Variants in KNDC1 observed in about 807,000 individuals in gnomAD.
The protein encoded by KNDC1 is kinase non-catalytic C-lobe domain containing 1.
A neutral mutation model predicts 172.8 loss-of-function variants in KNDC1; 106 were observed. The observed-to-expected ratio is 0.61, with a 90% CI of 0.52 to 0.72. The LOEUF (loss-of-function observed/expected upper bound fraction) is 0.72. Ranked by LOEUF, KNDC1 falls within the 30% of genes least tolerant of loss-of-function variation. The probability of loss-of-function intolerance (pLI) is 0.00; values close to 1 mark genes in which losing one functional copy is unlikely to be tolerated. For missense variants in KNDC1, 2,325 were observed against 2,394.5 expected (o/e 0.97, Z 0.61); for synonymous variants, 1,083 against 1,062.2 (o/e 1.02, Z -0.38).
At position 133,172,257 on chromosome 10, in the gene KNDC1, C is replaced by T. The variant is rs562958742; in HGVS notation, c.360+3945C>T. Among the ~76,000 whole-genome samples, 3 of 152,344 alleles carry T rather than the reference C, an allele frequency of 2.0e-5. No individual in the cohort carries two copies. The East Asian group carries it at 5.8e-4, about 29-fold the overall frequency. On this transcript the variant is annotated intron_variant, in intron 3 of 29. Coordinates refer to ENST00000304613, the MANE Select transcript of KNDC1 (RefSeq NM_152643.8). The stretch of plus-strand genomic sequence containing the variant: ...AATGGCGCCCGCCTCCACCGCGAGT[C>T]CCCCTTGATGCAGAGTTTGATCGTG...
At chr10:133,203,429 G>A (rs540133780) in intron 17 of KNDC1, among the ~76,000 whole-genome samples, 12 of 152,366 alleles carry the variant, frequency 7.9e-5, no homozygotes, top group South Asian at 4.1e-4. Flanking sequence ...AAAACAGGAG[G>A]CTCAGAAACA....
chr10:133,207,381 A>C, intron 20 of KNDC1, 30 bp downstream of exon 20: 1 of 1,599,114 alleles, frequency 6.3e-7, no homozygotes, highest in Non-Finnish European at 8.6e-7. Flanking sequence ...CACCCGGAAA[A>C]GGAGACGTAG....
chr10:133,212,024 C>G (rs564885111), intron 23 of KNDC1, among the ~76,000 whole-genome samples, 166 bp downstream of exon 23: 165 of 152,282 alleles, frequency 1.1e-3, no homozygotes, highest in African/African-American at 3.8e-3. Flanking sequence ...CTTGTGTGCA[C>G]ATACATACCT....
chr10:133,213,605 G>A (rs970690713), intron 24 of KNDC1, 40 bp from the exon 25 acceptor site: 2 of 1,580,930 alleles, frequency 1.3e-6, no homozygotes, highest in South Asian at 1.1e-5. Context: ...AGGCCCTAAG[G>A]GATGGAAGCC....
chr10:133,213,290 C>T (rs1474960851), intron 24 of KNDC1, among the ~76,000 whole-genome samples: 3 of 152,238 alleles, frequency 2.0e-5, no homozygotes, highest in Admixed American at 6.5e-5. Flanking sequence ...TGTGCCCCCA[C>T]CCAGCTGCCA....
chr10:133,219,913 C>G (rs762406243), intron 28 of KNDC1, 42 bp from the exon 29 acceptor site: 1 of 1,534,642 alleles, frequency 6.5e-7, no homozygotes, highest in Admixed American at 2.0e-5. Flanking sequence ...GCACTGACCA[C>G]GCCCTGTCTC....
chr10:133,186,667 C>A lies in KNDC1; in HGVS notation c.1319C>A (p.Ala440Glu), dbSNP rs764339506. Reference sequence around the variant, plus strand: ...GCTAGGCAGCTGGAAAGTGCAGCCGCGGAGCAGGTGGGTGCCTGGGTCTTG... The same window carrying A: ...GCTAGGCAGCTGGAAAGTGCAGCCGAGGAGCAGGTGGGTGCCTGGGTCTTG... ...EGARQLESAAAEQWVSLQDLL... is the reference protein window; with the variant it reads ...EGARQLESAAEEQWVSLQDLL... The change falls in exon 6 of 30, where the codon GCG becomes GAG. Residue 440 changes from alanine to glutamate, a missense_variant. Ala to Glu is a moderately radical substitution (Grantham distance 107). Transcript: ENST00000304613. The A allele has an allele frequency of 3.2e-6, 5 of 1,580,484 alleles. No homozygotes were observed. Among genetic ancestry groups the A allele is most frequent in the Non-Finnish European group, 3.4e-6 (4 of 1,171,556 alleles).
At chr10:133,177,530 A>G (rs1367420758) in intron 3 of KNDC1, among the ~76,000 whole-genome samples, 1 of 116,674 alleles carries the variant, frequency 8.6e-6, no homozygotes, top group African/African-American at 2.8e-5. Flanking sequence ...GTGTGCATGC[A>G]CATAGTGTGT....
At chr10:133,164,752 A>T (rs1284724438) in intron 1 of KNDC1, among the ~76,000 whole-genome samples, 5 of 146,560 alleles carry the variant, frequency 3.4e-5, no homozygotes, top group Non-Finnish European at 6.2e-5. Context: ...CCCACAGCTC[A>T]GGACTACAGG....
intron 26 of KNDC1, among the ~76,000 whole-genome samples, chr10:133,216,197 G>T (rs186949005): frequency 1.3e-5 from 2 of 152,106 alleles, no homozygotes; most frequent in Non-Finnish European, 2.9e-5. Flanking sequence ...CCGTTCTGAC[G>T]ATGCCTGGAG....
rs550821331 is a variant in KNDC1, at chr10:133,198,574, G to T, written c.2070-4G>T. The T allele has an allele frequency of 1.3e-6, 2 of 1,584,224 alleles. No homozygotes were observed. The highest frequency in any genetic ancestry group is 1.3e-5 in the African/African-American group (1 of 74,504). ...GCCCCTCCTGAGCTCTGCTCCTCCC[G>T]TAGGGACCAGCCTGCCTTGGCCCAG... On this transcript the variant is annotated splice_polypyrimidine_tract_variant and splice_region_variant and intron_variant, in intron 13 of 29. Coordinates refer to ENST00000304613, the MANE Select transcript of KNDC1 (RefSeq NM_152643.8).
rs148073631 is a variant in KNDC1 at position 133,213,996 on chromosome 10, G to A, written c.4551G>A (p.Ser1517=). 655 of 1,614,140 alleles carry A rather than the reference G, an allele frequency of 4.1e-4. No homozygotes were observed. The highest frequency in any genetic ancestry group is 5.5e-4 in the Admixed American group (33 of 60,026). ...IPKASSSESL[S]AKTCSLFLPN... is the part of the protein sequence containing the mutation. ...GAGCCAGCTCTTCTGAGTCTCTTTCGGCCAAAACCTGCAGCTTATTTCTGC... is the reference window on the plus strand; with the variant it reads ...GAGCCAGCTCTTCTGAGTCTCTTTCAGCCAAAACCTGCAGCTTATTTCTGC... The change falls in exon 26 of 30, where the codon TCG becomes TCA. Residue 1517 remains serine, a synonymous_variant. Coordinates refer to ENST00000304613, the MANE Select transcript of KNDC1 (RefSeq NM_152643.8).
rs1854375518 is a variant in KNDC1 at position 133,201,739 on chromosome 10, C to T, written c.3228C>T (p.Gly1076=). 1.9e-6 allele frequency: 3 copies of T among 1,589,046 alleles called. No individual in the cohort carries two copies. Among genetic ancestry groups the T allele is most frequent in the Admixed American group, 1.8e-5 (1 of 56,718 alleles). Residue 1076 remains glycine, a synonymous_variant, in exon 17 of 30, where the codon GGC becomes GGT. Transcript: ENST00000304613. ...GACTGGCCAGGTCCAAAGGGGTCGG[C>T]CCAGCCTTGTCCCCCGGCCCAGCCG... ...VTRLARSKGV[G]PALSPGPAGF...
At chr10:133,198,289 G>A in intron 12 of KNDC1, 48 bp from the exon 13 acceptor site, 1 of 1,499,328 alleles carries the variant, frequency 6.7e-7, no homozygotes, top group Non-Finnish European at 8.9e-7. Context: ...TGCGGCACGT[G>A]CTGGGGCCAC....
chr10:133,199,310 G>A (rs1414033497), intron 14 of KNDC1, 44 bp downstream of exon 14: 1 of 1,543,726 alleles, frequency 6.5e-7, no homozygotes, highest in East Asian at 2.3e-5. Context: ...CCGGGCCAGG[G>A]AGAGCCCCAC....
chr10:133,218,456 C>T (rs1845513287), intron 26 of KNDC1, among the ~76,000 whole-genome samples: 1 of 152,194 alleles, frequency 6.6e-6, no homozygotes, highest in Non-Finnish European at 1.5e-5. Flanking sequence ...GCCTGTGGCT[C>T]CCCATCTGCC....
chr10:133,161,466 C>T (rs1180301748), intron 1 of KNDC1, among the ~76,000 whole-genome samples: 2 of 152,304 alleles, frequency 1.3e-5, no homozygotes, highest in South Asian at 2.1e-4. Context: ...GCTGCAGCAG[C>T]CGCGGGCCTG....
At chr10:133,181,265 G>A (rs1244928565) in intron 3 of KNDC1, among the ~76,000 whole-genome samples, 16 of 152,250 alleles carry the variant, frequency 1.1e-4, no homozygotes, top group African/African-American at 4.8e-5. Context: ...CGGAGGGGAC[G>A]GACCCTGTGT....
intron 26 of KNDC1, among the ~76,000 whole-genome samples, chr10:133,217,339 G>C (rs1187239725): frequency 6.6e-6 from 1 of 152,266 alleles, no homozygotes; most frequent in Non-Finnish European, 1.5e-5. Flanking sequence ...CTCCTCTCAA[G>C]GCGCTCAGGC....
Sources: gnomAD v4.1 joint callset for allele counts (sites outside exome capture counted in the v4.1 genomes callset) on GRCh38, gnomAD v4.1.1 for gene constraint, MANE v1.5 for transcripts, NCBI Gene and HGNC (gene_info 2026-07-23, HGNC 2026-07-21) for gene names.